The following LDAH variants were observed in gnomAD, a reference collection of about 807,000 sequenced individuals.
The protein encoded by LDAH is lipid droplet-associated hydrolase.
In LDAH, 26 loss-of-function variants were observed where a neutral mutation model predicts 29.6. That is an observed-to-expected ratio of 0.88 (90% confidence interval 0.64 to 1.22). LDAH has a LOEUF of 1.22. LDAH is among the 50% of genes most tolerant of loss of function. LDAH has a pLI of 0.00. For missense variants in LDAH, 344 were observed against 387.3 expected (o/e 0.89, Z 0.94); for synonymous variants, 117 against 133.0 (o/e 0.88, Z 0.83).
At chr2:20,773,140 T>C (rs553994085) in intron 4 of LDAH, among the ~76,000 whole-genome samples, 1 of 152,264 alleles carries the variant, frequency 6.6e-6, no homozygotes, top group East Asian at 1.9e-4. Context: ...ATAATAATAA[T>C]AGCTAATACT....
At chr2:20,703,146 A>G (rs1664070976) in intron 5 of LDAH, among the ~76,000 whole-genome samples, 1 of 152,170 alleles carries the variant, frequency 6.6e-6, no homozygotes, top group Non-Finnish European at 1.5e-5. Context: ...TAATTTTTAC[A>G]TTTTGCCTCT....
intron 4 of LDAH, among the ~76,000 whole-genome samples, chr2:20,755,129 T>TGTGTGTG (rs1668247841): frequency 1.6e-4 from 19 of 118,298 alleles, no homozygotes; most frequent in South Asian, 9.3e-4. Flanking sequence ...GTGTCTGTGT[T>TGTGTGTG]TGTGTGTGTG....
At chr2:20,682,593 CA>C (rs1270604760), downstream of LDAH, among the ~76,000 whole-genome samples, 1 of 152,150 alleles carries the variant, frequency 6.6e-6, no homozygotes, top group Non-Finnish European at 1.5e-5. Context: ...TCCTCCCTGG[CA>C]AAAGGTGGAA....
At chr2:20,792,686 T>C (rs1054041886) in intron 2 of LDAH, among the ~76,000 whole-genome samples, 13 of 152,112 alleles carry the variant, frequency 8.5e-5, no homozygotes, top group Non-Finnish European at 2.9e-5. Flanking sequence ...ATTATAACAA[T>C]TAAAAACTGG....
At chr2:20,746,057 T>G (rs1667549060) in intron 4 of LDAH, among the ~76,000 whole-genome samples, 1 of 152,186 alleles carries the variant, frequency 6.6e-6, no homozygotes, top group Non-Finnish European at 1.5e-5. Flanking sequence ...AAGAGCCAGG[T>G]GAACAGTATT....
intron 3 of LDAH, among the ~76,000 whole-genome samples, chr2:20,780,943 C>T (rs1670153410): frequency 6.6e-6 from 1 of 152,098 alleles, no homozygotes; most frequent in South Asian, 2.1e-4. Flanking sequence ...AGAGAAAGCT[C>T]CACTGGGTTT....
rs188235082 is a variant in LDAH at position 20,688,079 on chromosome 2, T to C, written c.787-985A>G. Among the ~76,000 whole-genome samples the C allele has an allele frequency of 2.3e-3, 347 of 152,304 alleles. 3 individuals are homozygous for C. The Middle Eastern group carries it at 0.037, about 16-fold the overall frequency. ...CATTCCTTTGTTCATCAAATACAAATGGAGCACCTACTTTGTATTAGGAAC... is the reference window on the plus strand; with the variant it reads ...CATTCCTTTGTTCATCAAATACAAACGGAGCACCTACTTTGTATTAGGAAC... On this transcript the variant is annotated intron_variant, in intron 6 of 6. Transcript: ENST00000237822.
intron 3 of LDAH, among the ~76,000 whole-genome samples, chr2:20,788,635 C>G (rs758404104): frequency 7.9e-5 from 12 of 152,058 alleles, no homozygotes; most frequent in Non-Finnish European, 1.6e-4. Flanking sequence ...GATGCTCATA[C>G]CACTAGAGAG....
chr2:20,814,214 C>G (rs1159693685), intron 1 of LDAH, among the ~76,000 whole-genome samples: 1 of 125,410 alleles, frequency 8.0e-6, no homozygotes, highest in Non-Finnish European at 1.7e-5. Context: ...GTTATACTGT[C>G]AGTGAGTCTG....
At chr2:20,798,302 G>C (rs1332436395) in intron 2 of LDAH, among the ~76,000 whole-genome samples, 1 of 152,152 alleles carries the variant, frequency 6.6e-6, no homozygotes, top group East Asian at 1.9e-4. Flanking sequence ...CCCCAGGATG[G>C]CAACTGTGCA....
chr2:20,702,094 T>A (rs1173565109), intron 5 of LDAH, among the ~76,000 whole-genome samples: 1 of 152,198 alleles, frequency 6.6e-6, no homozygotes, highest in African/African-American at 2.4e-5. Context: ...AAAGGATTAT[T>A]TATCTTTAAA....
intron 3 of LDAH, among the ~76,000 whole-genome samples, chr2:20,779,863 A>C (rs1339553133): frequency 6.6e-6 from 1 of 152,192 alleles, no homozygotes; most frequent in Non-Finnish European, 1.5e-5. Flanking sequence ...TTGTAGGGAA[A>C]ATCACCATTG....
At chr2:20,786,621 G>A (rs1670574192) in intron 3 of LDAH, among the ~76,000 whole-genome samples, 1 of 152,018 alleles carries the variant, frequency 6.6e-6, no homozygotes, top group Non-Finnish European at 1.5e-5. Context: ...TTTGTGTCTT[G>A]TAGCTCCTAT....
At chr2:20,732,012 T>C (rs992568918) in intron 5 of LDAH, among the ~76,000 whole-genome samples, 2 of 152,232 alleles carry the variant, frequency 1.3e-5, no homozygotes, top group African/African-American at 4.8e-5. Flanking sequence ...CTTACCTTAC[T>C]GGACTGACTA....
chr2:20,776,320 G>T (rs943495007), intron 3 of LDAH, among the ~76,000 whole-genome samples: 3 of 152,078 alleles, frequency 2.0e-5, no homozygotes, highest in African/African-American at 7.2e-5. Context: ...TCCTCTGAGA[G>T]ACCTTTTTAT....
intron 3 of LDAH, among the ~76,000 whole-genome samples, chr2:20,778,414 G>C (rs531146116): frequency 2.6e-5 from 4 of 152,066 alleles, no homozygotes; most frequent in African/African-American, 9.7e-5. Context: ...GTTCAAATTT[G>C]CTGCTCCAGT....
chr2:20,741,888 T>C (rs1170843900), intron 4 of LDAH, among the ~76,000 whole-genome samples: 1 of 152,214 alleles, frequency 6.6e-6, no homozygotes, highest in East Asian at 1.9e-4. Flanking sequence ...TTAGGTTGAT[T>C]CTGTTAACTT....
chr2:20,780,224 C>A (rs778856672), intron 3 of LDAH, among the ~76,000 whole-genome samples: 5 of 152,114 alleles, frequency 3.3e-5, no homozygotes, highest in Admixed American at 6.5e-5. Context: ...AATTTGTAAA[C>A]CCCAAGCATA....
chr2:20,719,376 T>C (rs1665481215), intron 5 of LDAH, among the ~76,000 whole-genome samples: 1 of 151,514 alleles, frequency 6.6e-6, no homozygotes. Flanking sequence ...GCCAATGAAC[T>C]GGAAAACCTA....
Sources: gnomAD v4.1 joint callset for allele counts (sites outside exome capture counted in the v4.1 genomes callset) on GRCh38, gnomAD v4.1.1 for gene constraint, MANE v1.5 for transcripts, NCBI Gene and HGNC (gene_info 2026-07-23, HGNC 2026-07-21) for gene names.